Variants in PPTC7 observed in about 807,000 individuals in gnomAD.
PPTC7 encodes protein phosphatase targeting COQ7.
PPTC7 carries 6 observed loss-of-function variants against 30.8 expected under a neutral mutation model. That is an observed-to-expected ratio of 0.19 (90% CI 0.11 to 0.38). The LOEUF is 0.38. Ranked by LOEUF, PPTC7 falls within the 10% of genes least tolerant of loss-of-function variation. The pLI is 1.00. For synonymous variants in PPTC7, 163 were observed against 168.1 expected (o/e 0.97, Z 0.23); for missense variants, 218 against 404.8 (o/e 0.54, Z 3.96).
At chr12:110,540,315 C>CG (rs1565916175) in intron 3 of PPTC7, among the ~76,000 whole-genome samples, 5 of 133,334 alleles carry the variant, frequency 3.7e-5, no homozygotes, top group Non-Finnish European at 7.9e-5. Context: ...TTCCATCCCC[C>CG]CCCGCCTTTT....
intron 1 of PPTC7, among the ~76,000 whole-genome samples, chr12:110,556,837 T>C (rs1272350053): frequency 6.6e-6 from 1 of 152,130 alleles, no homozygotes; most frequent in African/African-American, 2.4e-5. Context: ...TAAACACTGC[T>C]GCAGGAGGGT....
intron 2 of PPTC7, among the ~76,000 whole-genome samples, chr12:110,550,070 T>C (rs1342201206): frequency 6.6e-6 from 1 of 152,036 alleles, no homozygotes; most frequent in Non-Finnish European, 1.5e-5. Flanking sequence ...CAAGACAAGA[T>C]CCCTTTTCAG....
chr12:110,552,455 T>C (rs942369148), intron 1 of PPTC7, among the ~76,000 whole-genome samples: 2 of 152,108 alleles, frequency 1.3e-5, no homozygotes, highest in East Asian at 3.9e-4. Flanking sequence ...ACATATCCCA[T>C]CCCCTCTCCT....
At chr12:110,560,123 G>A (rs770493150) in intron 1 of PPTC7, among the ~76,000 whole-genome samples, 1 of 152,128 alleles carries the variant, frequency 6.6e-6, no homozygotes, top group Non-Finnish European at 1.5e-5. Flanking sequence ...GTTATGACCA[G>A]GCGTGGTAGC....
In PPTC7 at chr12:110,536,836, G is replaced by T; in HGVS notation, c.*201C>A. ...CTTCAAATATTGGATCTCTTCAATT[G>T]CTGCCGGCAGATATGAGCTAGTGAA... On this transcript the variant is annotated 3_prime_UTR_variant, in exon 6 of 6. Coordinates refer to ENST00000354300, the MANE Select transcript of PPTC7 (RefSeq NM_139283.2). 2.0e-6 allele frequency: 1 copy of T among 510,100 alleles called. No homozygotes were observed. 31.6% of individuals were successfully genotyped at this position (510,100 alleles called of 1,614,324 possible).
At chr12:110,566,671 G>C (rs1017615660) in intron 1 of PPTC7, among the ~76,000 whole-genome samples, 2 of 152,158 alleles carry the variant, frequency 1.3e-5, no homozygotes, top group Non-Finnish European at 2.9e-5. Flanking sequence ...AAAAAAAAGA[G>C]TCTTTGACCC....
rs1291695262 is a variant in PPTC7 at position 110,536,856 on chromosome 12, A to G, written c.*181T>C. The G allele has an allele frequency of 1.8e-6, 1 of 563,292 alleles. No individual in the cohort carries two copies. The highest frequency in any genetic ancestry group is 3.2e-6 in the Non-Finnish European group (1 of 315,728). The allele number at this position is 563,292 out of a possible 1,614,324, so 34.9% of individuals were successfully genotyped here. A position where few individuals can be genotyped will look rare whatever the true frequency, so the allele number is the denominator to read the frequency against. On this transcript the variant is annotated 3_prime_UTR_variant, in exon 6 of 6. Transcript: ENST00000354300. ...CAATTGCTGCCGGCAGATATGAGCT[A>G]GTGAATGATAGTAGTGGTTCTCAAC...
chr12:110,558,396 C>G (rs2064406976), intron 1 of PPTC7, among the ~76,000 whole-genome samples: 1 of 152,134 alleles, frequency 6.6e-6, no homozygotes, highest in Non-Finnish European at 1.5e-5. Context: ...CCTTGAATGC[C>G]AAGATAAAGA....
chr12:110,577,148 A>G (rs1405738314), intron 1 of PPTC7, among the ~76,000 whole-genome samples: 2 of 143,960 alleles, frequency 1.4e-5, no homozygotes, highest in East Asian at 2.0e-4. Context: ...GCCTGGGCAC[A>G]AGGGCGAGAC....
intron 1 of PPTC7, among the ~76,000 whole-genome samples, chr12:110,560,739 TTTGA>T (rs1342661284): frequency 6.6e-6 from 1 of 152,202 alleles, no homozygotes; most frequent in Non-Finnish European, 1.5e-5. Flanking sequence ...AGAAAAACAA[TTTGA>T]TTTTGTCCAA....
intron 2 of PPTC7, 43 bp from the exon 3 acceptor site, chr12:110,546,121 T>G: frequency 3.9e-6 from 6 of 1,546,588 alleles, no homozygotes; most frequent in Non-Finnish European, 5.3e-6. Flanking sequence ...CTTCCTAGGC[T>G]GCCTTTGCAC....
chr12:110,537,151 A>G (rs999520427), intron 5 of PPTC7, 56 bp from the exon 6 acceptor site: 3 of 1,396,546 alleles, frequency 2.1e-6, no homozygotes, highest in Non-Finnish European at 3.0e-6. Flanking sequence ...TCAATAAAAA[A>G]TGTGTACTTA....
chr12:110,556,452 G>A (rs1163034161), intron 1 of PPTC7, among the ~76,000 whole-genome samples: 1 of 152,194 alleles, frequency 6.6e-6, no homozygotes, highest in Admixed American at 6.5e-5. Flanking sequence ...ATATTAGGTG[G>A]TTGTTTCTAC....
Position 110,536,914 on chromosome 12 carries a change from A to G in PPTC7, c.*123T>C, listed in dbSNP as rs977612496. ...TCAACGAGTCTCAAGAAGACAGGCA[A>G]AAGACTTACATCACTGGCCATTGAG... On this transcript the variant is annotated 3_prime_UTR_variant, in exon 6 of 6. Coordinates refer to ENST00000354300, the MANE Select transcript of PPTC7 (RefSeq NM_139283.2). 2 of 714,534 alleles carry G rather than the reference A, an allele frequency of 2.8e-6. No homozygotes were observed. The highest frequency in any genetic ancestry group is 1.8e-5 in the African/African-American group (1 of 56,464). The allele number at this position is 714,534 out of a possible 1,614,324, so 44.3% of individuals were successfully genotyped here.
chr12:110,553,822 A>T (rs2064366748), intron 1 of PPTC7, among the ~76,000 whole-genome samples: 1 of 152,262 alleles, frequency 6.6e-6, no homozygotes, highest in East Asian at 1.9e-4. Context: ...TAATGCACCA[A>T]AGAGAATGCA....
At chr12:110,563,032 T>C (rs887484012) in intron 1 of PPTC7, among the ~76,000 whole-genome samples, 2 of 143,182 alleles carry the variant, frequency 1.4e-5, no homozygotes, top group Admixed American at 7.4e-5. Flanking sequence ...TGAGACAGAA[T>C]TGCCTGAACC....
intron 1 of PPTC7, among the ~76,000 whole-genome samples, chr12:110,582,595 T>C (rs1410917731): frequency 6.6e-6 from 1 of 152,218 alleles, no homozygotes; most frequent in Non-Finnish European, 1.5e-5. Context: ...TTGACCGCTG[T>C]GCGCCTTAGT....
At chr12:110,571,544 G>A (rs1390533475) in intron 1 of PPTC7, among the ~76,000 whole-genome samples, 1 of 152,184 alleles carries the variant, frequency 6.6e-6, no homozygotes, top group African/African-American at 2.4e-5. Context: ...TGCCCCTACA[G>A]TATTAATTGA....
In PPTC7 at chr12:110,562,222, T is replaced by C. The variant is rs561906039; in HGVS notation, c.224-10254A>G. Among the ~76,000 whole-genome samples the C allele has an allele frequency of 9.3e-3, 1,004 of 107,608 alleles. 1 individual carries two copies. The highest frequency in any genetic ancestry group is 0.014 in the Admixed American group (117 of 8,334). The allele number at this position is 107,608 out of a possible 152,430, so 70.6% of individuals were successfully genotyped here. A position where few individuals can be genotyped will look rare whatever the true frequency, so the allele number is the denominator to read the frequency against. On this transcript the variant is annotated intron_variant, in intron 1 of 5. Transcript: ENST00000354300. The stretch of plus-strand genomic sequence containing the variant: ...ATCGTTTGAACCCAGGAGGCGGAGG[T>C]TGCACAGGGAGCTGAGATCGCACCA...
Sources: gnomAD v4.1 joint callset for allele counts (sites outside exome capture counted in the v4.1 genomes callset) on GRCh38, gnomAD v4.1.1 for gene constraint, MANE v1.5 for transcripts, NCBI Gene and HGNC (gene_info 2026-07-23, HGNC 2026-07-21) for gene names.